KCNN2: variants seen among roughly 807,000 people sequenced by gnomAD.
The protein encoded by KCNN2 is small conductance calcium-activated potassium channel protein 2.
KCNN2 carries 24 observed loss-of-function variants against 55.5 expected under a neutral mutation model. That is an observed-to-expected ratio of 0.43 (90% CI 0.31 to 0.61). The LOEUF is 0.61. Ranked by LOEUF, KCNN2 falls within the 20% of genes least tolerant of loss-of-function variation. The pLI, the probability that KCNN2 is intolerant of heterozygous loss-of-function variation, is 0.08. For missense variants in KCNN2, 754 were observed against 853.6 expected (o/e 0.88, Z 1.45); for synonymous variants, 431 against 336.1 (o/e 1.28, Z -3.09).
At chr5:114,448,849 C>T (rs1014822831) in intron 3 of KCNN2, among the ~76,000 whole-genome samples, 4 of 152,184 alleles carry the variant, frequency 2.6e-5, no homozygotes, top group Non-Finnish European at 4.4e-5. Flanking sequence ...GTGATAACTG[C>T]GTACTGTAGA....
At chr5:114,062,745 C>A (rs563244138) in intron 1 of KCNN2, among the ~76,000 whole-genome samples, 13 of 152,290 alleles carry the variant, frequency 8.5e-5, no homozygotes, top group Non-Finnish European at 1.6e-4. Context: ...TTGCATTAGT[C>A]TCTTCTTTCA....
intron 2 of KCNN2, among the ~76,000 whole-genome samples, chr5:114,333,830 A>C (rs371975077): frequency 5.6e-4 from 85 of 152,344 alleles, no homozygotes; most frequent in African/African-American, 2.0e-3. Flanking sequence ...CTTACACATA[A>C]AAATGCCATT....
At chr5:114,295,382 C>T (rs972039844) in intron 2 of KCNN2, among the ~76,000 whole-genome samples, 2 of 152,192 alleles carry the variant, frequency 1.3e-5, no homozygotes, top group African/African-American at 4.8e-5. Context: ...GCTTTGTTTA[C>T]CTCATCGAGC....
intron 3 of KCNN2, among the ~76,000 whole-genome samples, chr5:114,434,436 C>T (rs981676637): frequency 1.3e-5 from 2 of 152,050 alleles, no homozygotes; most frequent in African/African-American, 4.8e-5. Context: ...ATTTTAAATC[C>T]CAGTCTGATA....
chr5:114,410,990 A>G (rs1186386587), intron 3 of KCNN2, among the ~76,000 whole-genome samples: 3 of 152,224 alleles, frequency 2.0e-5, no homozygotes, highest in Non-Finnish European at 2.9e-5. Flanking sequence ...ACCTTTGGAT[A>G]ATCTAAACTG....
chr5:114,379,764 A>G (rs1758057810), intron 2 of KCNN2, among the ~76,000 whole-genome samples: 1 of 125,746 alleles, frequency 8.0e-6, no homozygotes, highest in Admixed American at 7.9e-5. Context: ...ATATATTTAT[A>G]GAATATATTA....
intron 2 of KCNN2, among the ~76,000 whole-genome samples, chr5:114,229,517 TA>T (rs1018256994): frequency 6.6e-6 from 1 of 152,018 alleles, no homozygotes; most frequent in African/African-American, 2.4e-5. Context: ...AGTTTTTCCT[TA>T]AAAAATTCTG....
chr5:114,461,931 A>C (rs1312404757), intron 3 of KCNN2, among the ~76,000 whole-genome samples: 1 of 152,186 alleles, frequency 6.6e-6, no homozygotes, highest in Non-Finnish European at 1.5e-5. Flanking sequence ...TATATTTTGC[A>C]GAGCAAGAAA....
At chr5:114,412,670 A>G (rs141463036) in intron 3 of KCNN2, among the ~76,000 whole-genome samples, 185 of 152,176 alleles carry the variant, frequency 1.2e-3, no homozygotes, top group African/African-American at 4.3e-3. Context: ...CCATGATTTT[A>G]TTTTGTATTT....
chr5:114,062,440 T>C (rs1033305529), intron 1 of KCNN2, among the ~76,000 whole-genome samples: 24 of 152,182 alleles, frequency 1.6e-4, no homozygotes, highest in Non-Finnish European at 2.6e-4. Context: ...GAAAAATAGG[T>C]TTACTGATCA....
At chr5:114,292,437 G>A (rs377519245) in intron 2 of KCNN2, among the ~76,000 whole-genome samples, 1 of 152,042 alleles carries the variant, frequency 6.6e-6, no homozygotes, top group African/African-American at 2.4e-5. Context: ...AGCACCATTT[G>A]TTAAATAGGG....
At chr5:114,269,905 A>T (rs1286132624) in intron 2 of KCNN2, among the ~76,000 whole-genome samples, 1 of 152,208 alleles carries the variant, frequency 6.6e-6, no homozygotes, top group Non-Finnish European at 1.5e-5. Flanking sequence ...AATGAAATGG[A>T]GGGTCACCAC....
At chr5:114,193,436 A>C (rs1186055635) in intron 1 of KCNN2, among the ~76,000 whole-genome samples, 1 of 152,090 alleles carries the variant, frequency 6.6e-6, no homozygotes, top group Non-Finnish European at 1.5e-5. Flanking sequence ...CTCAACGCAC[A>C]CCTCTCCTCA....
chr5:114,072,433 A>G (rs1561463329), intron 1 of KCNN2, among the ~76,000 whole-genome samples: 1 of 152,178 alleles, frequency 6.6e-6, no homozygotes, highest in Non-Finnish European at 1.5e-5. Context: ...GTCACTATGC[A>G]TTAGCTATGC....
intron 2 of KCNN2, among the ~76,000 whole-genome samples, chr5:114,346,145 C>T (rs908299903): frequency 6.6e-6 from 1 of 152,190 alleles, no homozygotes; most frequent in Non-Finnish European, 1.5e-5. Context: ...ATGGCCAAAG[C>T]AGGAATTGGG....
chr5:114,478,734 G>A (rs977822411), intron 5 of KCNN2, among the ~76,000 whole-genome samples: 2 of 152,118 alleles, frequency 1.3e-5, no homozygotes, highest in Non-Finnish European at 2.9e-5. Context: ...AGAAGAGACT[G>A]GGGGCCCATA....
chr5:114,416,595 G>A (rs1343267453), intron 3 of KCNN2, among the ~76,000 whole-genome samples: 1 of 152,132 alleles, frequency 6.6e-6, no homozygotes, highest in African/African-American at 2.4e-5. Context: ...GATATTCTCA[G>A]TGCCACAGGA....
intron 1 of KCNN2, among the ~76,000 whole-genome samples, chr5:114,200,287 A>T (rs1227644886): frequency 6.6e-6 from 1 of 151,882 alleles, no homozygotes; most frequent in African/African-American, 2.4e-5. Flanking sequence ...TTGGTCTAGT[A>T]TATTGTTGAA....
chr5:114,377,804 A>G (rs1356606027), intron 2 of KCNN2, among the ~76,000 whole-genome samples: 2 of 152,122 alleles, frequency 1.3e-5, no homozygotes, highest in African/African-American at 2.4e-5. Context: ...TACCTATCTC[A>G]TTAGATTGTT....
Sources: allele counts gnomAD v4.1 joint callset (sites outside exome capture counted in the v4.1 genomes callset), GRCh38; gene constraint gnomAD v4.1.1; transcripts MANE v1.5; gene names NCBI Gene and HGNC (gene_info 2026-07-23, HGNC 2026-07-21).